Variants in PSMD14 observed in about 807,000 individuals in gnomAD.
PSMD14 encodes proteasome 26S subunit, non-ATPase 14.
In PSMD14, 7 loss-of-function variants were observed where a neutral mutation model predicts 41.2. The ratio of observed to expected loss-of-function variants is 0.17; its 90% CI spans 0.10 to 0.32. PSMD14 has a LOEUF of 0.32. Among genes scored for constraint, PSMD14 ranks in the 10% least tolerant of loss-of-function variants. The pLI is 1.00. For synonymous variants in PSMD14, 114 were observed against 122.3 expected (o/e 0.93, Z 0.45); for missense variants, 139 against 375.6 (o/e 0.37, Z 5.21).
chr2:161,322,495 T>G (rs1682622168), intron 3 of PSMD14, among the ~76,000 whole-genome samples: 1 of 152,282 alleles, frequency 6.6e-6, no homozygotes, highest in South Asian at 2.1e-4. Context: ...ATTCAAGTGA[T>G]TCTCCTGCCT....
intron 3 of PSMD14, among the ~76,000 whole-genome samples, chr2:161,330,542 T>C (rs1682772937): frequency 1.3e-5 from 2 of 152,240 alleles, no homozygotes; most frequent in South Asian, 4.1e-4. Flanking sequence ...TTTCAGTTCA[T>C]GTTATCATTT....
chr2:161,339,178 A>G (rs1461150768), intron 3 of PSMD14, among the ~76,000 whole-genome samples: 1 of 152,208 alleles, frequency 6.6e-6, no homozygotes, highest in Non-Finnish European at 1.5e-5. Flanking sequence ...TGGCTGGACC[A>G]TATGGTAGGT....
At chr2:161,403,265 A>C (rs573262238) in intron 10 of PSMD14, among the ~76,000 whole-genome samples, 2 of 152,182 alleles carry the variant, frequency 1.3e-5, no homozygotes, top group Non-Finnish European at 2.9e-5. Flanking sequence ...CCTCTAAAAC[A>C]TGGTAAGTGA....
chr2:161,331,475 G>T (rs1434766273), intron 3 of PSMD14, among the ~76,000 whole-genome samples: 1 of 152,068 alleles, frequency 6.6e-6, no homozygotes, highest in African/African-American at 2.4e-5. Flanking sequence ...GACCAGGCTG[G>T]TCTCGAACTC....
chr2:161,375,441 A>C (rs1297653092), intron 7 of PSMD14, among the ~76,000 whole-genome samples: 1 of 152,070 alleles, frequency 6.6e-6, no homozygotes, highest in Non-Finnish European at 1.5e-5. Context: ...AAACACAGTA[A>C]ATGCAAATTA....
chr2:161,343,628 G>C (rs1300010340), intron 3 of PSMD14, among the ~76,000 whole-genome samples: 1 of 152,226 alleles, frequency 6.6e-6, no homozygotes, highest in African/African-American at 2.4e-5. Flanking sequence ...AGGAGTTTGA[G>C]ACCAGCCTGC....
At chr2:161,371,543 C>T (rs1284147688) in intron 7 of PSMD14, among the ~76,000 whole-genome samples, 1 of 151,954 alleles carries the variant, frequency 6.6e-6, no homozygotes, top group African/African-American at 2.4e-5. Context: ...GTGTAATTTT[C>T]CTGAATATTT....
chr2:161,314,289 G>A (rs1346842425), intron 1 of PSMD14, among the ~76,000 whole-genome samples: 1 of 152,128 alleles, frequency 6.6e-6, no homozygotes, highest in African/African-American at 2.4e-5. Context: ...TTTGTGTGAA[G>A]TCCTTTCTTG....
chr2:161,411,445 C>G lies in PSMD14; in HGVS notation c.*45C>G. 1 of 1,364,926 alleles carries G rather than the reference C, an allele frequency of 7.3e-7. No homozygotes were observed. Among genetic ancestry groups the G allele is most frequent in the South Asian group, 1.3e-5 (1 of 74,672 alleles). 84.6% of individuals were successfully genotyped at this position (1,364,926 alleles called of 1,614,324 possible). ...AATGATGCCTTCAGTGTATATTCCTCTGTTGTTCCTAATGCTCAAAATCAA... is the reference window on the plus strand; with the variant it reads ...AATGATGCCTTCAGTGTATATTCCTGTGTTGTTCCTAATGCTCAAAATCAA... On this transcript the variant is annotated 3_prime_UTR_variant, in exon 12 of 12. Coordinates refer to ENST00000409682, the MANE Select transcript of PSMD14 (RefSeq NM_005805.6).
At chr2:161,341,076 C>A (rs1053875420) in intron 3 of PSMD14, 63 of 1,540,482 alleles carry the variant, frequency 4.1e-5, no homozygotes, top group Non-Finnish European at 5.5e-5. Context: ...CGCAGGCTCC[C>A]CGAGCTCCCC....
chr2:161,398,953 G>T (rs1396772514), intron 10 of PSMD14, among the ~76,000 whole-genome samples: 1 of 151,954 alleles, frequency 6.6e-6, no homozygotes, highest in East Asian at 1.9e-4. Flanking sequence ...AAATCTAAGA[G>T]AATAAACTTA....
At chr2:161,347,396 A>G (rs1270650681) in intron 3 of PSMD14, among the ~76,000 whole-genome samples, 2 of 152,154 alleles carry the variant, frequency 1.3e-5, no homozygotes, top group Non-Finnish European at 1.5e-5. Flanking sequence ...CTCCTGCTCC[A>G]GTCTCCTGAG....
chr2:161,362,137 C>T (rs973300367), intron 3 of PSMD14, among the ~76,000 whole-genome samples: 6 of 152,056 alleles, frequency 3.9e-5, no homozygotes, highest in African/African-American at 1.2e-4. Flanking sequence ...TTAACCATGG[C>T]TCACTGCAGC....
At chr2:161,328,274 T>C (rs955136034) in intron 3 of PSMD14, among the ~76,000 whole-genome samples, 3 of 152,150 alleles carry the variant, frequency 2.0e-5, no homozygotes, top group Non-Finnish European at 2.9e-5. Flanking sequence ...AATGTCTAAA[T>C]GTGTTATGAT....
chr2:161,403,455 T>C (rs940706037), intron 10 of PSMD14, among the ~76,000 whole-genome samples: 5 of 152,190 alleles, frequency 3.3e-5, no homozygotes, highest in African/African-American at 1.2e-4. Context: ...TGAAACGTTT[T>C]GGAATACAGG....
chr2:161,385,179 G>A (rs1683618532), intron 7 of PSMD14: 1 of 194,980 alleles, frequency 5.1e-6, no homozygotes. Context: ...GCTGTTTGGT[G>A]TAAGTTTAGT....
At chr2:161,352,898 C>CT (rs1683139020) in intron 3 of PSMD14, among the ~76,000 whole-genome samples, 1 of 152,186 alleles carries the variant, frequency 6.6e-6, no homozygotes, top group African/African-American at 2.4e-5. Flanking sequence ...CTTAGTGGCT[C>CT]TAACAGCTGA....
intron 3 of PSMD14, among the ~76,000 whole-genome samples, chr2:161,353,342 G>A (rs1246529716): frequency 2.0e-5 from 3 of 152,184 alleles, no homozygotes; most frequent in Non-Finnish European, 4.4e-5. Context: ...ATAAGGAAGA[G>A]CATGTCTACT....
intron 3 of PSMD14, among the ~76,000 whole-genome samples, chr2:161,349,314 C>A (rs1299014358): frequency 6.6e-6 from 1 of 152,126 alleles, no homozygotes; most frequent in Non-Finnish European, 1.5e-5. Flanking sequence ...TAATGGAGAC[C>A]ACACAGGCAA....
Sources: allele counts gnomAD v4.1 joint callset (sites outside exome capture counted in the v4.1 genomes callset), GRCh38; gene constraint gnomAD v4.1.1; transcripts MANE v1.5; gene names NCBI Gene and HGNC (gene_info 2026-07-23, HGNC 2026-07-21).